SEMA6D: variants seen among roughly 807,000 people sequenced by gnomAD.
The protein encoded by SEMA6D is semaphorin 6D.
Under a neutral mutation model 106.6 loss-of-function variants are expected in SEMA6D, and 35 were observed. The ratio of observed to expected loss-of-function variants is 0.33; its 90% CI spans 0.25 to 0.44. SEMA6D has a LOEUF of 0.44. Among genes scored for constraint, SEMA6D ranks in the 20% least tolerant of loss-of-function variants. SEMA6D has a pLI of 1.00. For synonymous variants in SEMA6D, 499 were observed against 487.7 expected (o/e 1.02, Z -0.31); for missense variants, 1,185 against 1,345.9 (o/e 0.88, Z 1.87).
chr15:47,199,934 A>G (rs1013649835), intron 1 of SEMA6D, among the ~76,000 whole-genome samples: 4 of 152,262 alleles, frequency 2.6e-5, no homozygotes, highest in African/African-American at 7.2e-5. Flanking sequence ...AGTTACTATT[A>G]TTAATACTGT....
intron 4 of SEMA6D, among the ~76,000 whole-genome samples, chr15:47,610,234 T>C (rs2076868468): frequency 6.6e-6 from 1 of 152,198 alleles, no homozygotes; most frequent in African/African-American, 2.4e-5. Flanking sequence ...TCTTCACCAA[T>C]GCCTAGGAAA....
chr15:47,693,151 G>A (rs969804089), intron 4 of SEMA6D, among the ~76,000 whole-genome samples: 2 of 152,098 alleles, frequency 1.3e-5, no homozygotes, highest in Non-Finnish European at 2.9e-5. Context: ...CCCTAATCCA[G>A]TATGACTGTT....
intron 2 of SEMA6D, among the ~76,000 whole-genome samples, chr15:47,456,958 G>T (rs1265050992): frequency 6.6e-6 from 1 of 151,984 alleles, no homozygotes; most frequent in Non-Finnish European, 1.5e-5. Context: ...GTATGAGGGT[G>T]TGAGGAAACC....
chr15:47,228,002 TATATATATAAGAATC>T lies in SEMA6D; in HGVS notation c.-239+43591_-239+43605del, dbSNP rs1309519879. Among the ~76,000 whole-genome samples, 73 of 19,898 alleles carry T rather than the reference TATATATATAAGAATC, an allele frequency of 3.7e-3. 1 individual carries two copies. Among genetic ancestry groups the T allele is most frequent in the Admixed American group, 0.021 (32 of 1,538 alleles). The allele number at this position is 19,898 out of a possible 152,430, so 13.1% of individuals were successfully genotyped here. A position where few individuals can be genotyped will look rare whatever the true frequency, so the allele number is the denominator to read the frequency against. On this transcript the variant is annotated intron_variant, in intron 1 of 19. Coordinates refer to the SEMA6D transcript ENST00000558014. ...ATATATATAAGATTCTTATATATTT[TATATATATAAGAATC>T]ATATATTTTTTATATATATAAGAAT...
At chr15:47,640,584 G>T (rs979650747) in intron 4 of SEMA6D, among the ~76,000 whole-genome samples, 1 of 152,154 alleles carries the variant, frequency 6.6e-6, no homozygotes, top group African/African-American at 2.4e-5. Context: ...TCATTAAAAA[G>T]AAAGGTGCTT....
At chr15:47,532,840 A>G (rs1443898113) in intron 3 of SEMA6D, among the ~76,000 whole-genome samples, 2 of 152,228 alleles carry the variant, frequency 1.3e-5, no homozygotes, top group African/African-American at 4.8e-5. Flanking sequence ...AATTCACTAT[A>G]TATAAATTTC....
intron 2 of SEMA6D, among the ~76,000 whole-genome samples, chr15:47,420,914 T>G (rs2041131530): frequency 6.6e-6 from 1 of 152,066 alleles, no homozygotes; most frequent in Admixed American, 6.6e-5. Flanking sequence ...AAGAATAGAA[T>G]TACGATCACA....
At chr15:47,574,851 A>T (rs28642988) in intron 3 of SEMA6D, among the ~76,000 whole-genome samples, 34,343 of 152,100 alleles carry the variant, frequency 0.23, 4,914 homozygotes, top group Non-Finnish European at 0.32. Context: ...ATTATTAAGA[A>T]TAATCAATAC....
At chr15:47,434,872 A>C (rs2140630132) in intron 2 of SEMA6D, among the ~76,000 whole-genome samples, 1 of 152,244 alleles carries the variant, frequency 6.6e-6, no homozygotes, top group South Asian at 2.1e-4. Flanking sequence ...GATGGGAAGA[A>C]AATGGGGCCG....
chr15:47,222,292 G>A (rs927399239), intron 1 of SEMA6D, among the ~76,000 whole-genome samples: 10 of 152,204 alleles, frequency 6.6e-5, no homozygotes, highest in African/African-American at 2.4e-4. Flanking sequence ...TATCTGGTCA[G>A]AAAGGGACTG....
intron 1 of SEMA6D, among the ~76,000 whole-genome samples, chr15:47,259,655 A>G (rs909105973): frequency 3.9e-5 from 6 of 152,030 alleles, no homozygotes; most frequent in Admixed American, 2.0e-4. Context: ...ATTTCTTGGT[A>G]TGCATTTCTC....
intron 3 of SEMA6D, among the ~76,000 whole-genome samples, chr15:47,528,983 A>C (rs902677045): frequency 2.0e-5 from 3 of 152,200 alleles, no homozygotes; most frequent in Non-Finnish European, 4.4e-5. Flanking sequence ...TATTCTTACA[A>C]TCAAGTAAGC....
chr15:47,219,367 A>G (rs540273610), intron 1 of SEMA6D, among the ~76,000 whole-genome samples: 1 of 152,324 alleles, frequency 6.6e-6, no homozygotes, highest in Admixed American at 6.5e-5. Flanking sequence ...CTACCAGGTC[A>G]TAAGTACTAT....
At chr15:47,708,082 G>C (rs144353298) in intron 4 of SEMA6D, among the ~76,000 whole-genome samples, 1 of 151,978 alleles carries the variant, frequency 6.6e-6, no homozygotes, top group Non-Finnish European at 1.5e-5. Context: ...GCATTCTTAC[G>C]TCTGAAACCT....
At chr15:47,274,230 A>G (rs540781707) in intron 1 of SEMA6D, 4 of 152,230 alleles carry the variant, frequency 2.6e-5, no homozygotes, top group African/African-American at 9.6e-5. Flanking sequence ...GAGAAAAGGG[A>G]AGGTTTGTAG....
At chr15:47,381,689 C>G (rs2039645546) in intron 1 of SEMA6D, among the ~76,000 whole-genome samples, 1 of 152,128 alleles carries the variant, frequency 6.6e-6, no homozygotes, top group Admixed American at 6.5e-5. Flanking sequence ...TGACCCAACT[C>G]TAAAAGAAGA....
intron 2 of SEMA6D, among the ~76,000 whole-genome samples, chr15:47,469,472 G>GT (rs1271562596): frequency 3.9e-5 from 6 of 152,082 alleles, no homozygotes; most frequent in African/African-American, 1.4e-4. Flanking sequence ...TATATATGCA[G>GT]TAAGTATTCC....
chr15:47,684,388 A>G (rs923704237), intron 4 of SEMA6D, among the ~76,000 whole-genome samples: 4 of 152,052 alleles, frequency 2.6e-5, no homozygotes, highest in East Asian at 1.9e-4. Flanking sequence ...TAATCAAGAT[A>G]TATATATTCT....
chr15:47,457,580 A>G (rs1596045578), intron 2 of SEMA6D, among the ~76,000 whole-genome samples: 1 of 151,976 alleles, frequency 6.6e-6, no homozygotes, highest in East Asian at 1.9e-4. Flanking sequence ...GGAAGAGACT[A>G]TCCGAAGATT....
Sources: gnomAD v4.1 joint callset for allele counts (sites outside exome capture counted in the v4.1 genomes callset) on GRCh38, gnomAD v4.1.1 for gene constraint, MANE v1.5 for transcripts, NCBI Gene and HGNC (gene_info 2026-07-23, HGNC 2026-07-21) for gene names.